Variants in MICAL3 observed in about 807,000 individuals in gnomAD.
The protein encoded by MICAL3 is [F-actin]-monooxygenase MICAL3.
In MICAL3, 62 loss-of-function variants were observed where a neutral mutation model predicts 207.4. The ratio of observed to expected loss-of-function variants is 0.30; its 90% CI spans 0.24 to 0.37. The LOEUF is 0.37. Ranked by LOEUF, MICAL3 falls within the 10% of genes least tolerant of loss-of-function variation. MICAL3 has a pLI of 1.00. For missense variants in MICAL3, 2,368 were observed against 2,635.6 expected (o/e 0.90, Z 2.22); for synonymous variants, 1,077 against 1,069.3 (o/e 1.01, Z -0.14).
At chr22:17,864,601 G>C in intron 19 of MICAL3, 1 of 1,517,860 alleles carries the variant, frequency 6.6e-7, no homozygotes, top group Non-Finnish European at 8.8e-7. Context: ...GATGGTGCGG[G>C]ACGGGGCTGA....
At chr22:17,912,785 T>C (rs967514290) in intron 1 of MICAL3, among the ~76,000 whole-genome samples, 3 of 152,244 alleles carry the variant, frequency 2.0e-5, no homozygotes, top group Admixed American at 6.5e-5. Context: ...TGGAGATAAC[T>C]GTCTTCCTTT....
intron 17 of MICAL3, among the ~76,000 whole-genome samples, chr22:17,866,608 C>CAAAATAGAATAGAATAGAATAGAAT (rs1556037400): frequency 1.6e-5 from 2 of 123,108 alleles, no homozygotes; most frequent in African/African-American, 6.6e-5. Flanking sequence ...CAGCATAGAA[C>CAAAATAGAATAGAATAGAATAGAAT]AGAACAGAAT....
chr22:17,819,927 TGA>T (rs1402619368), intron 25 of MICAL3, among the ~76,000 whole-genome samples: 17 of 118,234 alleles, frequency 1.4e-4, no homozygotes, highest in East Asian at 2.5e-4. Flanking sequence ...TGGGTGACAG[TGA>T]GAGACTCCAT....
rs573863480 is a variant in MICAL3 at position 17,894,740 on chromosome 22, T to C, written c.1449+544A>G. ...TGAACCCAGGAAGTGGAGGCTGCAG[T>C]GAGCCAAGATCGTGCCACCACACTC... On this transcript the variant is annotated intron_variant, in intron 10 of 31. Transcript: ENST00000441493. 8.2e-5 allele frequency among the ~76,000 whole-genome samples: 12 copies of C among 146,072 alleles called. No homozygotes were observed. In the East Asian group the frequency reaches 2.0e-3, roughly 25 times the overall value.
intron 19 of MICAL3, among the ~76,000 whole-genome samples, chr22:17,847,207 G>A (rs1486116695): frequency 2.6e-5 from 4 of 152,176 alleles, no homozygotes; most frequent in Non-Finnish European, 5.9e-5. Flanking sequence ...AGGGCTCCGC[G>A]CCGCTGAGAA....
chr22:17,896,623 T>C (rs1386634738), intron 8 of MICAL3, 101 bp downstream of exon 8: 5 of 1,236,548 alleles, frequency 4.0e-6, no homozygotes, highest in Non-Finnish European at 5.7e-6. Context: ...TTACCTGTGC[T>C]GTACAACACT....
chr22:17,911,133 G>A (rs965187319), intron 1 of MICAL3, among the ~76,000 whole-genome samples: 5 of 152,188 alleles, frequency 3.3e-5, no homozygotes, highest in African/African-American at 4.8e-5. Context: ...CAGAAGCCCC[G>A]CATGGGCCTT....
chr22:17,912,951 G>A lies in MICAL3; in HGVS notation c.-74-6065C>T, dbSNP rs1210679622. 3.3e-5 allele frequency among the ~76,000 whole-genome samples: 5 copies of A among 152,168 alleles called. No homozygotes were observed. The East Asian group carries it at 5.8e-4, about 18-fold the overall frequency. On this transcript the variant is annotated intron_variant, in intron 1 of 31. Transcript: ENST00000441493. ...TGTCTCTCACTGTTGAACATAACAC[G>A]TACCATGGTTTTTCGCATATGGCTT... is the stretch of plus-strand genomic sequence containing the variant.
intron 1 of MICAL3, among the ~76,000 whole-genome samples, chr22:17,990,155 G>C (rs1229263598): frequency 1.3e-5 from 2 of 152,214 alleles, no homozygotes; most frequent in African/African-American, 2.4e-5. Context: ...GTGAGCTAGA[G>C]AGCAGGCTTT....
At chr22:17,998,310 A>G (rs2146480722) in intron 1 of MICAL3, among the ~76,000 whole-genome samples, 1 of 152,256 alleles carries the variant, frequency 6.6e-6, no homozygotes, top group East Asian at 1.9e-4. Context: ...GTCTCAAAAA[A>G]AGAAGAAGAA....
At chr22:18,012,668 C>T (rs1923821166) in intron 1 of MICAL3, among the ~76,000 whole-genome samples, 1 of 152,228 alleles carries the variant, frequency 6.6e-6, no homozygotes, top group African/African-American at 2.4e-5. Flanking sequence ...TGCTCAAATA[C>T]CATCTTCTGT....
In MICAL3 at chr22:17,818,750, G is replaced by C; in HGVS notation, c.3911C>G (p.Thr1304Ser). ...APLPVQSQSD[T>S]KDRLGSPLAV... ...AAGGGGGCTGCCCAGTCTGTCCTTG[G>C]TGTCACTTTGGCTTTGGACAGGGAG... Residue 1304 changes from threonine (T) to serine (S), a missense_variant, in exon 26 of 32, where the codon ACC becomes AGC. Around this residue, in one of 4 missense-constraint regions of MICAL3, gnomAD observed 1,770 missense variants for 1,863.2 expected, o/e 0.95. Coordinates refer to ENST00000441493, the MANE Select transcript of MICAL3 (RefSeq NM_015241.3). The C allele has an allele frequency of 6.2e-7, 1 of 1,602,858 alleles. No homozygotes were observed. The highest frequency in any genetic ancestry group is 8.5e-7 in the Non-Finnish European group (1 of 1,172,220).
intron 28 of MICAL3, 27 bp downstream of exon 28, chr22:17,810,676 C>T (rs1294040668): frequency 4.4e-6 from 7 of 1,576,336 alleles, no homozygotes; most frequent in Non-Finnish European, 6.1e-6. Flanking sequence ...CATGCATGTG[C>T]CCTGGTCCCA....
intron 1 of MICAL3, among the ~76,000 whole-genome samples, chr22:17,942,201 G>C (rs1055687713): frequency 1.3e-5 from 2 of 152,204 alleles, no homozygotes; most frequent in Non-Finnish European, 2.9e-5. Flanking sequence ...TATGCTTGCA[G>C]GGAGGCACAG....
Position 17,831,906 on chromosome 22 carries a change from A to G in MICAL3, c.3003T>C (p.Tyr1001=), listed in dbSNP as rs1238273271. 5 of 1,555,540 alleles carry G rather than the reference A, an allele frequency of 3.2e-6. No homozygotes were observed. Among genetic ancestry groups the G allele is most frequent in the African/African-American group, 1.4e-5 (1 of 72,532 alleles). Residue 1001 remains tyrosine, a synonymous_variant, in exon 21 of 32, where the codon TAT becomes TAC. Coordinates refer to ENST00000441493, the MANE Select transcript of MICAL3 (RefSeq NM_015241.3). The part of the protein sequence containing the change: ...NEEEEEEEEE[Y]EEEEEEDYDE... ...CATAGTCCTCCTCCTCCTCCTCTTC[A>G]TATTCTTCCTCCTCCTCCTCCTCCT... is the stretch of plus-strand genomic sequence containing the variant.
chr22:18,016,046 T>C (rs1396935971), intron 1 of MICAL3, among the ~76,000 whole-genome samples: 4 of 152,246 alleles, frequency 2.6e-5, no homozygotes, highest in African/African-American at 9.6e-5. Context: ...GGTAATTATA[T>C]GGCTTTTCCT....
At chr22:17,922,253 C>A (rs1932817846) in intron 1 of MICAL3, among the ~76,000 whole-genome samples, 1 of 152,140 alleles carries the variant, frequency 6.6e-6, no homozygotes, top group Admixed American at 6.5e-5. Flanking sequence ...AATTCACGTT[C>A]ATGTTTGCAC....
At position 17,817,953 on chromosome 22, in the gene MICAL3, C is replaced by T. The variant is rs1288973076; in HGVS notation, c.4708G>A (p.Ala1570Thr). 1.2e-6 allele frequency: 2 copies of T among 1,612,390 alleles called. No individual in the cohort carries two copies. Among genetic ancestry groups the T allele is most frequent in the Non-Finnish European group, 8.5e-7 (1 of 1,179,794 alleles). The change falls in exon 26 of 32, where the codon GCT becomes ACT. Residue 1570 changes from alanine to threonine, a missense_variant. Around this residue, in one of 4 missense-constraint regions of MICAL3, gnomAD observed 1,770 missense variants for 1,863.2 expected, o/e 0.95. Coordinates refer to ENST00000441493, the MANE Select transcript of MICAL3 (RefSeq NM_015241.3). ...TGTGGCTGCAGCGTCCCCTCCAGAG[C>T]AGGCAGCCTCCCGTTCTCCTTGGCC... ...PLAKENGRLP[A>T]LEGTLQPQKR... is the part of the protein sequence containing the mutation.
intron 14 of MICAL3, 31 bp from the exon 15 acceptor site, chr22:17,887,263 T>C (rs1252453086): frequency 2.5e-6 from 4 of 1,611,744 alleles, no homozygotes; most frequent in Non-Finnish European, 3.4e-6. Flanking sequence ...AACTGCATTA[T>C]TCTAGCCATA....
Sources: allele counts gnomAD v4.1 joint callset (sites outside exome capture counted in the v4.1 genomes callset), GRCh38; gene constraint gnomAD v4.1.1; regional missense constraint gnomAD v4.1.1; transcripts MANE v1.5; gene names NCBI Gene and HGNC (gene_info 2026-07-23, HGNC 2026-07-21).